The following MYO1A variants were observed in gnomAD, a reference collection of about 807,000 sequenced individuals.
MYO1A encodes myosin IA.
In MYO1A, 127 loss-of-function variants were observed where a neutral mutation model predicts 138.5. That is an observed-to-expected ratio of 0.92 (90% CI 0.79 to 1.06). The LOEUF (loss-of-function observed/expected upper bound fraction) is 1.06. Ranked by LOEUF, MYO1A falls within the 50% of genes least tolerant of loss-of-function variation. MYO1A has a pLI of 0.00. For synonymous variants in MYO1A, 477 were observed against 497.5 expected (o/e 0.96, Z 0.55); for missense variants, 1,211 against 1,288.8 (o/e 0.94, Z 0.92).
At position 57,038,642 on chromosome 12, in the gene MYO1A, T is replaced by C; in HGVS notation, c.1534-4A>G. On this transcript the variant is annotated splice_polypyrimidine_tract_variant and splice_region_variant and intron_variant, in intron 16 of 27. Coordinates refer to ENST00000300119, the MANE Select transcript of MYO1A (RefSeq NM_005379.4). The stretch of plus-strand genomic sequence containing the variant: ...AGCTGGTCACGTTGTATGTCACCTG[T>C]AAAGGAGCAGCTATTGGTTTGGAGA... 3 of 1,614,018 alleles carry C rather than the reference T, an allele frequency of 1.9e-6. No homozygotes were observed. Among genetic ancestry groups the C allele is most frequent in the Non-Finnish European group, 8.5e-7 (1 of 1,179,884 alleles).
At chr12:57,044,061 G>A (rs1199661266) in intron 9 of MYO1A, 45 bp downstream of exon 9, 2 of 1,614,164 alleles carry the variant, frequency 1.2e-6, no homozygotes, top group East Asian at 4.5e-5. Context: ...AATGCGAATA[G>A]AGGATGACCT....
At chr12:57,032,947 T>A (rs1297257601) in intron 22 of MYO1A, among the ~76,000 whole-genome samples, 1 of 152,212 alleles carries the variant, frequency 6.6e-6, no homozygotes, top group Non-Finnish European at 1.5e-5. Flanking sequence ...CTCATCTAAA[T>A]GCACCAACTG....
Position 57,029,769 on chromosome 12 carries a change from C to T in MYO1A, c.2695G>A (p.Val899Met), listed in dbSNP as rs376674552. 98 of 1,614,216 alleles carry T rather than the reference C, an allele frequency of 6.1e-5. No individual in the cohort carries two copies. Among genetic ancestry groups the T allele is most frequent in the Non-Finnish European group, 7.5e-5 (89 of 1,180,040 alleles). Residue 899 changes from valine to methionine, a missense_variant, in exon 25 of 28, where the codon GTG (valine) becomes ATG (methionine). Physicochemically the swap from Val to Met is conservative, Grantham distance 21. Transcript: ENST00000300119. ...EEGPVLMAEA[V>M]KKVNRGNGKT... ...CCATTGCCACGATTGACCTTCTTCA[C>T]GGCCTCTGCCATCAGAACAGGCCCC...
chr12:57,032,378 A>G (rs1193455664), intron 22 of MYO1A, among the ~76,000 whole-genome samples: 1 of 152,150 alleles, frequency 6.6e-6, no homozygotes, highest in African/African-American at 2.4e-5. Flanking sequence ...CTTACATTCT[A>G]CTGTAGGGTG....
At position 57,038,789 on chromosome 12, in the gene MYO1A, C is replaced by T; in HGVS notation, c.1533+20G>A. 6.2e-7 allele frequency: 1 copy of T among 1,614,114 alleles called. No homozygotes were observed. Among genetic ancestry groups the T allele is most frequent in the South Asian group, 1.1e-5 (1 of 91,052 alleles). On this transcript the variant is annotated intron_variant, in intron 16 of 27. Coordinates refer to ENST00000300119, the MANE Select transcript of MYO1A (RefSeq NM_005379.4). Reference sequence around the variant, plus strand: ...CTGGGCCTGAGCCCTAATCTCTGCCCTCCAGCCCTGCCATTTCACCTTGCC... The same window carrying T: ...CTGGGCCTGAGCCCTAATCTCTGCCTTCCAGCCCTGCCATTTCACCTTGCC...
At position 57,029,831 on chromosome 12, in the gene MYO1A, C is replaced by T; in HGVS notation, c.2633G>A (p.Gly878Glu). 1.2e-6 allele frequency: 2 copies of T among 1,614,208 alleles called. No individual in the cohort carries two copies. Among genetic ancestry groups the T allele is most frequent in the Non-Finnish European group, 1.7e-6 (2 of 1,180,044 alleles). The change falls in exon 25 of 28, where the codon GGG (glycine) becomes GAG (glutamate). Residue 878 changes from glycine (G) to glutamate (E), a missense_variant. Gly to Glu is a moderately conservative substitution (Grantham distance 98). Transcript: ENST00000300119. ...TTTCAGCTTCTGCAGCTTGGGGTTC[C>T]CTTGCAGCCCAATGTAGTCACCACA... ...PFCGDYIGLQ[G>E]NPKLQKLKGG... is the part of the protein sequence containing the mutation.
chr12:57,038,967 G>T lies in MYO1A; in HGVS notation c.1375C>A (p.Arg459=), dbSNP rs1009043803. The T allele has an allele frequency of 7.4e-6, 12 of 1,614,042 alleles. No homozygotes were observed. The highest frequency in any genetic ancestry group is 3.3e-5 in the Admixed American group (2 of 59,992). The change falls in exon 16 of 28, where the codon CGG becomes AGG. Residue 459 remains arginine (R), a synonymous_variant. Coordinates refer to ENST00000300119, the MANE Select transcript of MYO1A (RefSeq NM_005379.4). The stretch of plus-strand genomic sequence containing the variant: ...GTGGAGTCACTGACCACCCCAGGCC[G>T]CAGGCACTCCTCATCCAACATGGCC... ...ILAMLDEECL[R]PGVVSDSTFL...
chr12:57,043,212 G>A (rs1254811385), intron 11 of MYO1A, 28 bp downstream of exon 11: 1 of 1,613,374 alleles, frequency 6.2e-7, no homozygotes, highest in East Asian at 2.2e-5. Context: ...GGTCGAAACA[G>A]CCCCCTCCAC....
intron 7 of MYO1A, 32 bp from the exon 8 acceptor site, chr12:57,046,682 G>A: frequency 6.3e-7 from 1 of 1,588,844 alleles, no homozygotes; most frequent in Non-Finnish European, 8.6e-7. Context: ...AATATCCTGA[G>A]GGCCTGGGAG....
rs769217360 is a variant in MYO1A, at chr12:57,037,038, G to A, written c.2109C>T (p.Leu703=). 7.4e-6 allele frequency: 12 copies of A among 1,614,076 alleles called. No individual in the cohort carries two copies. The highest frequency in any genetic ancestry group is 1.7e-5 in the Admixed American group (1 of 60,008). The stretch of plus-strand genomic sequence containing the variant: ...GCCAGCCTCGGTAAATCTTCTGTAT[G>A]AGTGTGGCCAGCTGCTGGAGTCTCA... ...RRLRLQQLAT[L]IQKIYRGWRC... The change falls in exon 20 of 28, where the codon CTC becomes CTT. Residue 703 remains leucine, a synonymous_variant. Coordinates refer to ENST00000300119, the MANE Select transcript of MYO1A (RefSeq NM_005379.4).
Position 57,042,325 on chromosome 12 carries a change from T to C in MYO1A, c.1098+747A>G, listed in dbSNP as rs142340153. 2.9e-3 allele frequency among the ~76,000 whole-genome samples: 436 copies of C among 152,364 alleles called. 1 individual carries two copies. Among genetic ancestry groups the C allele is most frequent in the Middle Eastern group, 0.01 (3 of 294 alleles). ...GAAGCATGTATCAGTACTTCATTCTTTTTATGGACAAATAACATTCTTTTG... is the reference window on the plus strand; with the variant it reads ...GAAGCATGTATCAGTACTTCATTCTCTTTATGGACAAATAACATTCTTTTG... On this transcript the variant is annotated intron_variant, in intron 12 of 27. Transcript: ENST00000300119.
intron 1 of MYO1A, among the ~76,000 whole-genome samples, chr12:57,048,734 C>T (rs2031230112): frequency 6.6e-6 from 1 of 152,038 alleles, no homozygotes; most frequent in South Asian, 2.1e-4. Context: ...TACAGAAAGC[C>T]CTCTCTCTCC....
rs1040676162 is a variant in MYO1A at position 57,046,547 on chromosome 12, C to T, written c.640+5G>A. 3 of 1,611,774 alleles carry T rather than the reference C, an allele frequency of 1.9e-6. No homozygotes were observed. In the African/African-American group the frequency reaches 4.0e-5, roughly 22 times the overall value. On this transcript the variant is annotated splice_donor_5th_base_variant and intron_variant, in intron 8 of 27. Coordinates refer to ENST00000300119, the MANE Select transcript of MYO1A (RefSeq NM_005379.4). ...TGAGGACACTTTCCCCATGCAGGCA[C>T]ATACTCAGCAGCTGTTCATCTGCTC...
chr12:57,031,453 C>T (rs1004142466), intron 22 of MYO1A, among the ~76,000 whole-genome samples: 1 of 152,130 alleles, frequency 6.6e-6, no homozygotes, highest in East Asian at 1.9e-4. Flanking sequence ...GTAAGAGGAA[C>T]CAATATGAAA....
chr12:57,042,439 T>C (rs754169575), intron 12 of MYO1A, among the ~76,000 whole-genome samples: 3 of 152,234 alleles, frequency 2.0e-5, no homozygotes, highest in Non-Finnish European at 4.4e-5. Context: ...ATAAGGCTTC[T>C]GTGAACATTT....
Position 57,038,044 on chromosome 12 carries a change from G to A in MYO1A, c.1786C>T (p.Gln596Ter). ...AGGTCTGAAGAGAACTGACCTCGCT[G>A]CTGATGCTCATTGGGCTTTATGCAC... ...IRCIKPNEHQ[Q>*]RGQFSSDLVA... Residue 596 changes from glutamine to a stop codon, truncating the protein, a stop_gained, in exon 18 of 28, where the codon CAG (glutamine) becomes TAG (stop). Coordinates refer to ENST00000300119, the MANE Select transcript of MYO1A (RefSeq NM_005379.4). LOFTEE classifies it high-confidence loss of function. 1 of 1,614,062 alleles carries A rather than the reference G, an allele frequency of 6.2e-7. No homozygotes were observed. Among genetic ancestry groups the A allele is most frequent in the Non-Finnish European group, 8.5e-7 (1 of 1,180,050 alleles).
chr12:57,029,285 A>G, intron 26 of MYO1A, 26 bp from the exon 27 acceptor site: 1 of 1,613,716 alleles, frequency 6.2e-7, no homozygotes. Flanking sequence ...AAATAGCAGG[A>G]AAGGGATTCA....
chr12:57,038,680 G>A (rs2030708318), intron 16 of MYO1A, 42 bp from the exon 17 acceptor site: 6 of 1,609,872 alleles, frequency 3.7e-6, no homozygotes, highest in South Asian at 3.3e-5. Flanking sequence ...CCACAACCTT[G>A]TCCCAGCACT....
rs1592483567 is a variant in MYO1A at position 57,046,457 on chromosome 12, G to A, written c.640+95C>T. 5.4e-6 allele frequency: 5 copies of A among 924,004 alleles called. No homozygotes were observed. In the East Asian group the frequency reaches 7.2e-5, roughly 13 times the overall value. The allele number at this position is 924,004 out of a possible 1,614,324, so 57.2% of individuals were successfully genotyped here. On this transcript the variant is annotated intron_variant, in intron 8 of 27. Transcript: ENST00000300119. ...GAGGCTCAAGGGAAGAGGGCTGTAGGGGCCCAGAGGGAACAGGGGTTCTGG... is the reference window on the plus strand; with the variant it reads ...GAGGCTCAAGGGAAGAGGGCTGTAGAGGCCCAGAGGGAACAGGGGTTCTGG...
Sources: gnomAD v4.1 joint callset for allele counts (sites outside exome capture counted in the v4.1 genomes callset) on GRCh38, gnomAD v4.1.1 for gene constraint, MANE v1.5 for transcripts, NCBI Gene and HGNC (gene_info 2026-07-23, HGNC 2026-07-21) for gene names.